Variants in DYSF observed in about 807,000 individuals in gnomAD.
DYSF encodes the protein dysferlin, also known as dystrophy-associated fer-1-like 1.
In DYSF, 212 loss-of-function variants were observed where a neutral mutation model predicts 274.9. The ratio of observed to expected loss-of-function variants is 0.77; its 90% CI spans 0.69 to 0.86. DYSF has a LOEUF of 0.86. DYSF is among the 40% of genes least tolerant of loss of function. The probability of loss-of-function intolerance (pLI) is 0.00; values close to 1 mark genes in which losing one functional copy is unlikely to be tolerated. For missense variants in DYSF, 2,666 were observed against 2,783.2 expected (o/e 0.96, Z 0.95); for synonymous variants, 1,091 against 1,078.7 (o/e 1.01, Z -0.22).
intron 48 of DYSF, among the ~76,000 whole-genome samples, chr2:71,667,766 A>AGGCCT (rs1553414586): frequency 6.6e-6 from 1 of 152,094 alleles, no homozygotes; most frequent in Non-Finnish European, 1.5e-5. Flanking sequence ...TCACCCCTGT[A>AGGCCT]GGCCTGGCCT....
At chr2:71,564,462 G>C (rs2091966262) in intron 24 of DYSF, among the ~76,000 whole-genome samples, 1 of 152,180 alleles carries the variant, frequency 6.6e-6, no homozygotes, top group South Asian at 2.1e-4. Flanking sequence ...GAGTGAATGA[G>C]GTGGAGTCTG....
intron 3 of DYSF, among the ~76,000 whole-genome samples, chr2:71,495,388 T>C (rs75405451): frequency 0.028 from 4,214 of 152,318 alleles, 111 homozygotes; most frequent in Non-Finnish European, 0.034. Flanking sequence ...AGGGCTCTTA[T>C]TGTTAAATCA....
chr2:71,575,353 G>A (rs1208620059), intron 30 of DYSF, among the ~76,000 whole-genome samples: 1 of 152,178 alleles, frequency 6.6e-6, no homozygotes, highest in Non-Finnish European at 1.5e-5. Context: ...AAGCTCTCTG[G>A]GGGCCTGAGG....
intron 2 of DYSF, 85 bp from the exon 3 acceptor site, chr2:71,481,794 G>A (rs532932049): frequency 9.4e-7 from 1 of 1,066,280 alleles, no homozygotes; most frequent in Non-Finnish European, 1.4e-6. Flanking sequence ...CCTACTCAGT[G>A]CCCTGGTGGC....
chr2:71,667,697 G>T (rs184376100), intron 48 of DYSF, among the ~76,000 whole-genome samples, 182 bp downstream of exon 48: 8 of 152,280 alleles, frequency 5.3e-5, no homozygotes, highest in Admixed American at 5.2e-4. Context: ...TTTAGGTCCT[G>T]GCTTCCTCTG....
At chr2:71,596,708 C>T (rs1274816333) in intron 32 of DYSF, among the ~76,000 whole-genome samples, 2 of 152,170 alleles carry the variant, frequency 1.3e-5, no homozygotes, top group Non-Finnish European at 2.9e-5. Context: ...CCAAGGGCCT[C>T]CCATTGCCCT....
chr2:71,686,246 G>A (rs1290540400), intron 55 of DYSF, among the ~76,000 whole-genome samples: 1 of 152,196 alleles, frequency 6.6e-6, no homozygotes, highest in Non-Finnish European at 1.5e-5. Flanking sequence ...ACTAGGCAGG[G>A]CGGAGTGTTG....
chr2:71,465,215 C>G (rs2081453649), upstream of DYSF, among the ~76,000 whole-genome samples: 1 of 152,112 alleles, frequency 6.6e-6, no homozygotes, highest in South Asian at 2.1e-4. Context: ...AGGCTCACCA[C>G]TGAATGGGCG....
At chr2:71,457,076 A>T (rs546316029) in intron 1 of DYSF, among the ~76,000 whole-genome samples, 1 of 152,350 alleles carries the variant, frequency 6.6e-6, no homozygotes, top group South Asian at 2.1e-4. Context: ...GCACAAAAGC[A>T]TACCATTGTC....
intron 14 of DYSF, among the ~76,000 whole-genome samples, chr2:71,533,380 C>A (rs553638310): frequency 2.6e-5 from 4 of 152,194 alleles, no homozygotes; most frequent in African/African-American, 9.7e-5. Context: ...CCACTCTGCG[C>A]CTTGCTTTTT....
At chr2:71,685,712 G>A (rs1301448810) in intron 55 of DYSF, among the ~76,000 whole-genome samples, 6 of 152,204 alleles carry the variant, frequency 3.9e-5, no homozygotes, top group Non-Finnish European at 8.8e-5. Context: ...GGGCCAGCGT[G>A]GGGAGGCAGG....
Position 71,592,444 on chromosome 2 carries a change from A to G in DYSF, c.3574+2156A>G, listed in dbSNP as rs1289631270. Among the ~76,000 whole-genome samples, 8 of 152,334 alleles carry G rather than the reference A, an allele frequency of 5.3e-5. 1 individual carries two copies. In the East Asian group the frequency reaches 1.2e-3, roughly 22 times the overall value. ...TTGAGCAGCTGCTGGAAAGGAAAAC[A>G]GCAGCCAACATGGGTGAACCTATAA... On this transcript the variant is annotated intron_variant, in intron 32 of 55. Coordinates refer to ENST00000410020, the MANE Select transcript of DYSF (RefSeq NM_001130987.2).
intron 4 of DYSF, among the ~76,000 whole-genome samples, chr2:71,506,700 C>T (rs2085512408): frequency 6.6e-6 from 1 of 152,126 alleles, no homozygotes; most frequent in Non-Finnish European, 1.5e-5. Context: ...GTACAAGGTC[C>T]TGGTCCTGGG....
chr2:71,467,006 GC>G, intron 1 of DYSF, 73 bp downstream of exon 1: 1 of 1,523,110 alleles, frequency 6.6e-7, no homozygotes. Context: ...CGGGTCTGAA[GC>G]CCCTGCTCCG....
At chr2:71,475,000 A>G (rs1389576938) in intron 1 of DYSF, among the ~76,000 whole-genome samples, 2 of 152,094 alleles carry the variant, frequency 1.3e-5, no homozygotes, top group East Asian at 3.9e-4. Flanking sequence ...TGCAGCAGAC[A>G]CTTTTATTAT....
Position 71,515,611 on chromosome 2 carries a change from T to C in DYSF, c.760-12T>C. On this transcript the variant is annotated splice_polypyrimidine_tract_variant and intron_variant, in intron 7 of 55. Transcript: ENST00000410020. ...CCCCTTCCTCCTGCTCTTTCCTCCTTCTGGCTTTCAGATCAGGGTCCAGGT... is the reference window on the plus strand; with the variant it reads ...CCCCTTCCTCCTGCTCTTTCCTCCTCCTGGCTTTCAGATCAGGGTCCAGGT... 1 of 1,613,902 alleles carries C rather than the reference T, an allele frequency of 6.2e-7. No homozygotes were observed. Among genetic ancestry groups the C allele is most frequent in the Non-Finnish European group, 8.5e-7 (1 of 1,179,846 alleles).
intron 41 of DYSF, among the ~76,000 whole-genome samples, chr2:71,633,438 A>G (rs1007317445): frequency 6.6e-6 from 1 of 152,202 alleles, no homozygotes; most frequent in African/African-American, 2.4e-5. Flanking sequence ...GCTATGGGGT[A>G]GCAGTACTGG....
intron 1 of DYSF, among the ~76,000 whole-genome samples, chr2:71,459,373 G>A (rs1183174252): frequency 6.6e-6 from 1 of 152,186 alleles, no homozygotes; most frequent in Non-Finnish European, 1.5e-5. Flanking sequence ...CGATGGTCAG[G>A]AAGGTAGGGC....
At chr2:71,468,739 T>C (rs778330359) in intron 1 of DYSF, among the ~76,000 whole-genome samples, 2 of 152,170 alleles carry the variant, frequency 1.3e-5, no homozygotes, top group African/African-American at 4.8e-5. Flanking sequence ...CTCAAGAGTC[T>C]CTCCTCTCTG....
Sources: allele counts gnomAD v4.1 joint callset (sites outside exome capture counted in the v4.1 genomes callset), GRCh38; gene constraint gnomAD v4.1.1; transcripts MANE v1.5; gene names NCBI Gene and HGNC (gene_info 2026-07-23, HGNC 2026-07-21).